The following DOP1B variants were observed in gnomAD, a reference collection of about 807,000 sequenced individuals.
The protein encoded by DOP1B is DOP1 leucine zipper like protein B.
A neutral mutation model predicts 233.5 loss-of-function variants in DOP1B; 174 were observed. That is an observed-to-expected ratio of 0.75 (90% CI 0.66 to 0.85). The LOEUF is 0.85. Among genes scored for constraint, DOP1B ranks in the 40% least tolerant of loss-of-function variants. The pLI is 0.00. For missense variants in DOP1B, 2,652 were observed against 2,846.6 expected (o/e 0.93, Z 1.56); for synonymous variants, 1,190 against 1,185.6 (o/e 1.00, Z -0.08).
chr21:36,227,182 T>A (rs903378815), intron 12 of DOP1B, among the ~76,000 whole-genome samples: 1 of 150,694 alleles, frequency 6.6e-6, no homozygotes, highest in African/African-American at 2.4e-5. Flanking sequence ...CACTCCAGCC[T>A]GGGTGACAGA....
chr21:36,235,144 C>T (rs923023575), intron 15 of DOP1B, among the ~76,000 whole-genome samples: 4 of 152,160 alleles, frequency 2.6e-5, no homozygotes, highest in African/African-American at 9.7e-5. Context: ...GCAGCTAGTG[C>T]CTGTCCCTGT....
At chr21:36,190,147 G>A (rs565942580) in intron 2 of DOP1B, among the ~76,000 whole-genome samples, 37 of 151,850 alleles carry the variant, frequency 2.4e-4, no homozygotes, top group African/African-American at 7.0e-4. Flanking sequence ...GTGAAACCCC[G>A]TCTCTAATAA....
intron 5 of DOP1B, among the ~76,000 whole-genome samples, chr21:36,210,847 A>G (rs1224372509): frequency 6.6e-6 from 1 of 152,184 alleles, no homozygotes; most frequent in Admixed American, 6.5e-5. Context: ...CTGACTTCCC[A>G]TTGCCAACAG....
chr21:36,277,948 T>G, intron 28 of DOP1B, 27 bp from the exon 29 acceptor site: 1 of 1,601,260 alleles, frequency 6.2e-7, no homozygotes, highest in Admixed American at 1.7e-5. Context: ...GGCCAGTTTC[T>G]GTTTTCTTAG....
At chr21:36,204,140 G>T (rs909555820) in intron 4 of DOP1B, among the ~76,000 whole-genome samples, 2 of 152,118 alleles carry the variant, frequency 1.3e-5, no homozygotes, top group African/African-American at 2.4e-5. Context: ...ACAACTGGGG[G>T]TGGGGAGGGT....
chr21:36,238,574 C>T lies in DOP1B; in HGVS notation c.2776-27C>T, dbSNP rs1444703956. 4 of 1,609,074 alleles carry T rather than the reference C, an allele frequency of 2.5e-6. No homozygotes were observed. The African/African-American group carries it at 5.3e-5, about 22-fold the overall frequency. Reference sequence around the variant, plus strand: ...AGTGGTCAGTTACAAAACCAAGTTCCTCACTCCCATGTATCTCCTCATCAA... The same window carrying T: ...AGTGGTCAGTTACAAAACCAAGTTCTTCACTCCCATGTATCTCCTCATCAA... On this transcript the variant is annotated intron_variant, in intron 16 of 36. Transcript: ENST00000691173.
At chr21:36,240,357 G>A (rs929173550) in intron 18 of DOP1B, among the ~76,000 whole-genome samples, 1 of 152,140 alleles carries the variant, frequency 6.6e-6, no homozygotes, top group Non-Finnish European at 1.5e-5. Context: ...GTACATGCCT[G>A]TAATCCCAGC....
intron 23 of DOP1B, among the ~76,000 whole-genome samples, chr21:36,255,992 C>G (rs2067091927): frequency 6.6e-6 from 1 of 152,174 alleles, no homozygotes; most frequent in Admixed American, 6.5e-5. Flanking sequence ...TTTGCATTCC[C>G]TTAGAGTCTT....
At position 36,192,946 on chromosome 21, in the gene DOP1B, C is replaced by T. The variant is rs554357005; in HGVS notation, c.139-6124C>T. The stretch of plus-strand genomic sequence containing the variant: ...CCTCTGATCTGCCCACCTTGGCCTC[C>T]CAAAGTGCTGGGATTACAGGCATGA... On this transcript the variant is annotated intron_variant, in intron 2 of 36. Coordinates refer to ENST00000691173, the MANE Select transcript of DOP1B (RefSeq NM_001320714.2). Among the ~76,000 whole-genome samples, 4 of 151,736 alleles carry T rather than the reference C, an allele frequency of 2.6e-5. No individual in the cohort carries two copies. In the East Asian group the frequency reaches 7.8e-4, roughly 30 times the overall value.
At chr21:36,175,058 G>A (rs2066008580) in intron 2 of DOP1B, among the ~76,000 whole-genome samples, 1 of 152,012 alleles carries the variant, frequency 6.6e-6, no homozygotes, top group African/African-American at 2.4e-5. Flanking sequence ...TCTTCTCCCT[G>A]GGTCCTCACA....
intron 23 of DOP1B, among the ~76,000 whole-genome samples, chr21:36,257,711 TAGG>T: frequency 7.4e-6 from 1 of 134,538 alleles, no homozygotes; most frequent in Non-Finnish European, 1.6e-5. Flanking sequence ...GAGATGGATG[TAGG>T]TAGGTAGGTA....
chr21:36,259,570 G>A (rs1265217048), intron 23 of DOP1B, among the ~76,000 whole-genome samples: 2 of 152,158 alleles, frequency 1.3e-5, no homozygotes, highest in African/African-American at 4.8e-5. Flanking sequence ...ACCGTGCCTG[G>A]CCTCCTTTCA....
intron 9 of DOP1B, among the ~76,000 whole-genome samples, chr21:36,218,663 G>C (rs891969999): frequency 1.3e-5 from 2 of 152,300 alleles, no homozygotes; most frequent in Non-Finnish European, 2.9e-5. Flanking sequence ...TGCCAGTGTT[G>C]ACAGAGCTTT....
chr21:36,159,992 A>G (rs748141125), intron 1 of DOP1B, among the ~76,000 whole-genome samples: 4 of 152,166 alleles, frequency 2.6e-5, no homozygotes, highest in Non-Finnish European at 4.4e-5. Context: ...TAGGCTATGA[A>G]CTATGAGAGT....
chr21:36,282,328 G>A (rs2067426675), intron 32 of DOP1B, among the ~76,000 whole-genome samples: 1 of 152,128 alleles, frequency 6.6e-6, no homozygotes, highest in Non-Finnish European at 1.5e-5. Flanking sequence ...TGAGGCAGGA[G>A]TATCACTTAA....
At position 36,159,277 on chromosome 21, in the gene DOP1B, C is replaced by A. The variant is rs530379456; in HGVS notation, c.-27+2334C>A. ...GACCAGGCTGACCAACATGGAGAAACCCCATCTCTACTAAAAATACAAAAT... is the reference window on the plus strand; with the variant it reads ...GACCAGGCTGACCAACATGGAGAAAACCCATCTCTACTAAAAATACAAAAT... On this transcript the variant is annotated intron_variant, in intron 1 of 36. Transcript: ENST00000691173. Among the ~76,000 whole-genome samples, 116 of 152,100 alleles carry A rather than the reference C, an allele frequency of 7.6e-4. 1 individual carries two copies. The highest frequency in any genetic ancestry group is 2.7e-3 in the African/African-American group (112 of 41,468).
chr21:36,292,578 A>G (rs974485270), intron 36 of DOP1B, among the ~76,000 whole-genome samples: 4 of 147,448 alleles, frequency 2.7e-5, no homozygotes, highest in African/African-American at 1.0e-4. Context: ...GCACGCCACC[A>G]TGCCTGGCTA....
intron 18 of DOP1B, among the ~76,000 whole-genome samples, chr21:36,243,368 CTT>C (rs756474335): frequency 2.4e-4 from 33 of 134,796 alleles, no homozygotes; most frequent in Non-Finnish European, 2.9e-4. Context: ...TCCTTTTCTT[CTT>C]TTTTTTTTTT....
At chr21:36,218,046 G>T (rs1242422937) in intron 9 of DOP1B, among the ~76,000 whole-genome samples, 1 of 152,158 alleles carries the variant, frequency 6.6e-6, no homozygotes, top group Non-Finnish European at 1.5e-5. Flanking sequence ...CTGTCTGCAA[G>T]AAATCACACT....
Sources: gnomAD v4.1 joint callset for allele counts (sites outside exome capture counted in the v4.1 genomes callset) on GRCh38, gnomAD v4.1.1 for gene constraint, MANE v1.5 for transcripts, NCBI Gene and HGNC (gene_info 2026-07-23, HGNC 2026-07-21) for gene names.